Variants in CARD16 observed in about 807,000 individuals in gnomAD.
CARD16 encodes caspase recruitment domain family member 16.
A neutral mutation model predicts 11.9 loss-of-function variants in CARD16; 8 were observed. The observed-to-expected ratio is 0.67, with a 90% CI of 0.39 to 1.21. CARD16 has a LOEUF of 1.21. Ranked by LOEUF, CARD16 falls within the 50% of genes most tolerant of loss-of-function variation. The pLI is 0.01. For missense variants in CARD16, 131 were observed against 118.1 expected (o/e 1.11, Z -0.51); for synonymous variants, 44 against 43.8 (o/e 1.00, Z -0.02).
chr11:105,044,805 G>C, intron 1 of CARD16, 147 bp from the exon 2 acceptor site: 1 of 1,414,350 alleles, frequency 7.1e-7, no homozygotes, highest in South Asian at 1.4e-5. Flanking sequence ...CTGTATTGCT[G>C]TCCTACTTGT....
At chr11:105,042,337 A>C (rs151199884) in intron 3 of CARD16, among the ~76,000 whole-genome samples, 21 of 152,332 alleles carry the variant, frequency 1.4e-4, no homozygotes, top group African/African-American at 4.8e-4. Flanking sequence ...GATTCATAGC[A>C]CTAAACATTG....
rs372915799 is a variant in CARD16, at chr11:105,045,266, G to C, written c.7+25C>G. 4 of 1,613,780 alleles carry C rather than the reference G, an allele frequency of 2.5e-6. No individual in the cohort carries two copies. The African/African-American group carries it at 5.3e-5, about 22-fold the overall frequency. ...CACAACTCTTTCTTCCCAGGGACCT[G>C]TTCTTGGAACAGTAAAAGACTCACC... On this transcript the variant is annotated intron_variant, in intron 1 of 3. Transcript: ENST00000673097.
In CARD16 at chr11:105,044,567, C is replaced by T. The variant is rs35966314; in HGVS notation, c.99G>A (p.Arg33=). The T allele has an allele frequency of 2.5e-6, 4 of 1,614,132 alleles. No individual in the cohort carries two copies. The highest frequency in any genetic ancestry group is 4.5e-5 in the East Asian group (2 of 44,876). The change falls in exon 2 of 4, where the codon AGG becomes AGA. Residue 33 remains arginine, a synonymous_variant. Coordinates refer to ENST00000673097, the MANE Select transcript of CARD16 (RefSeq NM_052889.4). ...TCTCCATCTCTTCCTGGTTCAGCAC[C>T]CTTGTCTGTAATAATTCATCCAGTA... ...NGLLDELLQT[R]VLNQEEMEKV...
intron 3 of CARD16, among the ~76,000 whole-genome samples, chr11:105,042,933 G>T (rs1324851484): frequency 6.6e-6 from 1 of 151,988 alleles, no homozygotes; most frequent in Non-Finnish European, 1.5e-5. Flanking sequence ...ATTTTAAGGG[G>T]GGCACTTAAG....
chr11:105,044,227 C>CA (rs1864156127), intron 2 of CARD16, 165 bp downstream of exon 2: 1 of 1,137,500 alleles, frequency 8.8e-7, no homozygotes, highest in African/African-American at 1.6e-5. Context: ...TGAAGGAACA[C>CA]AAAAAAGAGT....
Position 105,044,534 on chromosome 11 carries a change from T to G in CARD16, c.132A>C (p.Lys44Asn), listed in dbSNP as rs776112204. Reference protein sequence around the residue: ...VLNQEEMEKVKRENATVMDKT... With the variant: ...VLNQEEMEKVNRENATVMDKT... ...TATCCATAACTGTAGCATTTTCACG[T>G]TTTACTTTCTCCATCTCTTCCTGGT... Residue 44 changes from lysine to asparagine, a missense_variant, in exon 2 of 4, where the codon AAA becomes AAC. Coordinates refer to ENST00000673097, the MANE Select transcript of CARD16 (RefSeq NM_052889.4). 6.2e-7 allele frequency: 1 copy of G among 1,614,098 alleles called. No homozygotes were observed. Among genetic ancestry groups the G allele is most frequent in the Non-Finnish European group, 8.5e-7 (1 of 1,179,966 alleles).
At position 105,043,528 on chromosome 11, in the gene CARD16, A is replaced by G; in HGVS notation, c.292T>C (p.Ter98GlnextTer?). ...GLSAGPIPGN[*>Q] ...AATTGGGAGTCTTGTGTACTAAGCT[A>G]ATTTCCAGGTATCGGACCTATAAAA... is the stretch of plus-strand genomic sequence containing the variant. Residue 98 changes from the stop codon to glutamine, a stop_lost, in exon 3 of 4, where the codon TAG becomes CAG. Transcript: ENST00000673097. The G allele has an allele frequency of 6.2e-7, 1 of 1,609,830 alleles. No homozygotes were observed. Among genetic ancestry groups the G allele is most frequent in the South Asian group, 1.1e-5 (1 of 90,818 alleles).
chr11:105,043,178 G>A (rs1457849942), intron 3 of CARD16, among the ~76,000 whole-genome samples: 1 of 152,112 alleles, frequency 6.6e-6, no homozygotes, highest in Non-Finnish European at 1.5e-5. Context: ...GTTCAGCTCT[G>A]AAATTGTTTA....
intron 2 of CARD16, 119 bp downstream of exon 2, chr11:105,044,273 A>G: frequency 6.6e-7 from 1 of 1,513,878 alleles, no homozygotes. Flanking sequence ...CTACAGAAAT[A>G]TGGCCCAAAG....
In CARD16 at chr11:105,041,636, C is replaced by G. The variant is rs112423474; in HGVS notation, c.*127G>C. ...AACTTTTGTTTCCATATCCTTTGAGCGTCTTCTAGAAAGCAAAGCTTGATT... is the reference window on the plus strand; with the variant it reads ...AACTTTTGTTTCCATATCCTTTGAGGGTCTTCTAGAAAGCAAAGCTTGATT... On this transcript the variant is annotated 3_prime_UTR_variant, in exon 4 of 4. Transcript: ENST00000673097. 1 of 1,613,992 alleles carries G rather than the reference C, an allele frequency of 6.2e-7. No individual in the cohort carries two copies. Among genetic ancestry groups the G allele is most frequent in the East Asian group, 2.2e-5 (1 of 44,888 alleles).
intron 3 of CARD16, among the ~76,000 whole-genome samples, chr11:105,042,913 A>G (rs951160392): frequency 7.2e-5 from 11 of 152,330 alleles, no homozygotes; most frequent in African/African-American, 2.4e-4. Context: ...TTCAAATATA[A>G]GTTTCTTTTA....
At chr11:105,044,137 A>T in intron 2 of CARD16, 1 of 581,224 alleles carries the variant, frequency 1.7e-6, no homozygotes, top group Non-Finnish European at 3.0e-6. Context: ...CTTTCTAGAT[A>T]GTTCTCATGA....
At chr11:105,045,200 C>T in intron 1 of CARD16, 91 bp downstream of exon 1, 1 of 1,578,980 alleles carries the variant, frequency 6.3e-7, no homozygotes, top group South Asian at 1.1e-5. Flanking sequence ...CCTAAACTTC[C>T]ACAGATACTA....
chr11:105,045,125 A>C (rs1378007684), intron 1 of CARD16, 166 bp downstream of exon 1: 1 of 986,562 alleles, frequency 1.0e-6, no homozygotes, highest in East Asian at 2.4e-5. Context: ...TTTCTTTCTA[A>C]AGCCTGCAAA....
intron 2 of CARD16, 120 bp from the exon 3 acceptor site, chr11:105,043,665 T>C (rs1864147728): frequency 1.4e-6 from 1 of 732,610 alleles, no homozygotes; most frequent in African/African-American, 1.8e-5. Flanking sequence ...TGACAATAAA[T>C]AATGTTCAAG....
intron 3 of CARD16, among the ~76,000 whole-genome samples, chr11:105,043,047 T>C (rs1485555910): frequency 6.6e-6 from 1 of 151,808 alleles, no homozygotes; most frequent in Non-Finnish European, 1.5e-5. Flanking sequence ...ATATTGGAGG[T>C]GCATGAGAGG....
At chr11:105,045,123 T>A (rs1446970171) in intron 1 of CARD16, 168 bp downstream of exon 1, 1 of 978,916 alleles carries the variant, frequency 1.0e-6, no homozygotes, top group Non-Finnish European at 1.6e-6. Context: ...CTTTTCTTTC[T>A]AAAGCCTGCA....
chr11:105,042,767 A>G (rs774085703), intron 3 of CARD16, among the ~76,000 whole-genome samples: 4 of 152,202 alleles, frequency 2.6e-5, no homozygotes, highest in Non-Finnish European at 5.9e-5. Flanking sequence ...TTGAGAATAC[A>G]GTATTTGGTT....
At chr11:105,044,242 G>C (rs9326349) in intron 2 of CARD16, 150 bp downstream of exon 2, 331,677 of 1,259,488 alleles carry the variant, frequency 0.26, 44,781 homozygotes, top group Non-Finnish European at 0.28. Context: ...AAGAGTCAAG[G>C]GACATGCAAT....
Sources: allele counts gnomAD v4.1 joint callset (sites outside exome capture counted in the v4.1 genomes callset), GRCh38; gene constraint gnomAD v4.1.1; transcripts MANE v1.5; gene names NCBI Gene and HGNC (gene_info 2026-07-23, HGNC 2026-07-21).